GSG1L2: variants seen among roughly 807,000 people sequenced by gnomAD.
GSG1L2 encodes the protein germ cell-specific gene 1-like protein 2.
A neutral mutation model predicts 9.0 loss-of-function variants in GSG1L2; 15 were observed. That is an observed-to-expected ratio of 1.67 (90% confidence interval 1.12 to 2.57). The LOEUF is 2.57. Among genes scored for constraint, GSG1L2 ranks in the 30% most tolerant of loss-of-function variants. The pLI, the probability that GSG1L2 is intolerant of heterozygous loss-of-function variation, is 0.00. For synonymous variants in GSG1L2, 127 were observed against 57.9 expected (o/e 2.19, Z -5.41); for missense variants, 286 against 150.3 (o/e 1.90, Z -4.72).
At chr17:9,811,816 C>T (rs888912135) in intron 1 of GSG1L2, among the ~76,000 whole-genome samples, 2 of 152,116 alleles carry the variant, frequency 1.3e-5, no homozygotes, top group Non-Finnish European at 2.9e-5. Context: ...AGCGCTGTCC[C>T]GCTACATCAC....
At chr17:9,821,323 T>A (rs962396716) in intron 1 of GSG1L2, among the ~76,000 whole-genome samples, 2 of 152,190 alleles carry the variant, frequency 1.3e-5, no homozygotes, top group African/African-American at 4.8e-5. Flanking sequence ...GCAGGATAAA[T>A]AACAGGGATG....
chr17:9,820,445 T>C lies in GSG1L2; in HGVS notation c.310+1317A>G, dbSNP rs57866159. 3.4e-4 allele frequency among the ~76,000 whole-genome samples: 51 copies of C among 151,576 alleles called. No homozygotes were observed. The East Asian group carries it at 7.9e-3, about 24-fold the overall frequency. ...TCCATGAAGGTGGGGAAGAGACTCA[T>C]AGGAAGATAGCACTCCCTGAGAAGC... On this transcript the variant is annotated intron_variant, in intron 1 of 4. Transcript: ENST00000399363. This position sits in a 1 kb window ranked among gnomAD's most constrained non-coding sequence, Gnocchi z 4.9.
intron 1 of GSG1L2, among the ~76,000 whole-genome samples, chr17:9,814,221 A>G (rs1015813169): frequency 6.6e-6 from 1 of 152,232 alleles, no homozygotes; most frequent in African/African-American, 2.4e-5. Flanking sequence ...AGCGTGAGAC[A>G]CCGCGCCTGG....
At chr17:9,816,673 C>G (rs62644883) in intron 1 of GSG1L2, among the ~76,000 whole-genome samples, 3 of 132,328 alleles carry the variant, frequency 2.3e-5, no homozygotes, top group South Asian at 2.4e-4. Flanking sequence ...GCGTGTGTGT[C>G]TGTGTGTGTG....
In GSG1L2 at chr17:9,800,822, C is replaced by T. The variant is rs1036665119; in HGVS notation, c.*1564G>A. Among the ~76,000 whole-genome samples the T allele has an allele frequency of 1.1e-4, 16 of 152,330 alleles. No homozygotes were observed. Among genetic ancestry groups the T allele is most frequent in the African/African-American group, 2.9e-4 (12 of 41,572 alleles). ...GAAAGAACCTGCACACTGCAAAGGG[C>T]AGAGGCTTGTGGGTACAAACTCTCC... On this transcript the variant is annotated 3_prime_UTR_variant, in exon 5 of 5. Coordinates refer to ENST00000399363, the MANE Select transcript of GSG1L2 (RefSeq NM_001310219.2).
In GSG1L2 at chr17:9,800,713, C is replaced by T. The variant is rs2066493434; in HGVS notation, c.*1673G>A. Among the ~76,000 whole-genome samples, 1 of 152,200 alleles carries T rather than the reference C, an allele frequency of 6.6e-6. No individual in the cohort carries two copies. The highest frequency in any genetic ancestry group is 2.4e-5 in the African/African-American group (1 of 41,448). ...AAGTCTCTCTCCAGTGTATTTCATT[C>T]CCTGTAAGATGAGACTTTGACCTGA... On this transcript the variant is annotated 3_prime_UTR_variant, in exon 5 of 5. Coordinates refer to ENST00000399363, the MANE Select transcript of GSG1L2 (RefSeq NM_001310219.2).
chr17:9,810,695 T>C (rs1032851923), intron 1 of GSG1L2, 77 bp from the exon 2 acceptor site: 1 of 699,296 alleles, frequency 1.4e-6, no homozygotes, highest in Non-Finnish European at 2.6e-6. Flanking sequence ...TTCTAGCCCC[T>C]TAACTGGATG....
At chr17:9,807,049 C>T (rs993380585) in intron 4 of GSG1L2, among the ~76,000 whole-genome samples, 3 of 152,202 alleles carry the variant, frequency 2.0e-5, no homozygotes, top group African/African-American at 7.2e-5. Context: ...TCAAAGACAA[C>T]CCCTGTGGTC....
chr17:9,807,800 C>T (rs910792591), intron 3 of GSG1L2, 199 bp from the exon 4 acceptor site: 12 of 525,406 alleles, frequency 2.3e-5, no homozygotes, highest in South Asian at 2.1e-4. Context: ...AAGACACAAT[C>T]GGGGAGGACC....
rs767228383 is a variant in GSG1L2 at position 9,807,618 on chromosome 17, CTG to C, written c.512-19_512-18del. The stretch of plus-strand genomic sequence containing the variant: ...CTAGAAGCCCTGCGCAAGGAAAGCT[CTG>C]TGAGTCACAGCTAAGAAGACACATG... On this transcript the variant is annotated intron_variant, in intron 3 of 4. Transcript: ENST00000399363. 6 of 703,338 alleles carry C rather than the reference CTG, an allele frequency of 8.5e-6. No homozygotes were observed. The South Asian group carries it at 8.9e-5, about 10-fold the overall frequency. The allele number at this position is 703,338 out of a possible 1,614,324, so 43.6% of individuals were successfully genotyped here.
intron 1 of GSG1L2, among the ~76,000 whole-genome samples, chr17:9,811,949 A>G (rs571543969): frequency 6.6e-6 from 1 of 152,184 alleles, no homozygotes; most frequent in South Asian, 2.1e-4. Context: ...TGACTCTTCA[A>G]AGGAATGGCA....
intron 1 of GSG1L2, among the ~76,000 whole-genome samples, chr17:9,815,777 G>A (rs1196684122): frequency 1.3e-5 from 2 of 152,190 alleles, no homozygotes; most frequent in East Asian, 3.8e-4. Flanking sequence ...TAGTTGCATA[G>A]AAGTCAGACA....
chr17:9,813,217 G>A (rs987555549), intron 1 of GSG1L2, among the ~76,000 whole-genome samples: 4 of 152,150 alleles, frequency 2.6e-5, no homozygotes, highest in African/African-American at 9.7e-5. Context: ...GAATTTCCAA[G>A]TGCCCGTAGG....
chr17:9,818,523 T>TG (rs2066576749), intron 1 of GSG1L2, among the ~76,000 whole-genome samples: 1 of 139,904 alleles, frequency 7.1e-6, no homozygotes, highest in Non-Finnish European at 1.5e-5. Flanking sequence ...TTTTTTTTTT[T>TG]TTTTTGTATT....
intron 4 of GSG1L2, chr17:9,805,048 T>C (rs1450092908): frequency 6.6e-6 from 1 of 151,798 alleles, no homozygotes; most frequent in Non-Finnish European, 1.5e-5. Flanking sequence ...GGAAGACAAG[T>C]AGAGAAAAAT....
chr17:9,817,930 T>C (rs1054940319), intron 1 of GSG1L2, among the ~76,000 whole-genome samples: 1 of 152,132 alleles, frequency 6.6e-6, no homozygotes, highest in Non-Finnish European at 1.5e-5. Flanking sequence ...CCTCAGACAT[T>C]GGCTCACTCA....
rs541006512 is a variant in GSG1L2 at position 9,802,500 on chromosome 17, C to T, written c.768G>A (p.Glu256=). The change falls in exon 5 of 5, where the codon GAG becomes GAA. Residue 256 remains glutamate (E), a synonymous_variant. Transcript: ENST00000399363. ...RHSQHSFLEP[E]ASESIWKTGA... is the part of the protein sequence containing the mutation. ...CTGTTTTCCAAATGCTCTCCGAAGC[C>T]TCGGGTTCCAGGAAGCTGTGTTGAG... 102 of 702,620 alleles carry T rather than the reference C, an allele frequency of 1.5e-4. No individual in the cohort carries two copies. Among genetic ancestry groups the T allele is most frequent in the African/African-American group, 1.3e-3 (77 of 57,238 alleles). 43.5% of individuals were successfully genotyped at this position (702,620 alleles called of 1,614,324 possible).
Position 9,807,709 on chromosome 17 carries a change from T to C in GSG1L2, c.512-108A>G, listed in dbSNP as rs2062706087. ...GCTCTCTAGCATTCATAAAGTCCTT[T>C]TGATGTATCTGCATGTATTCATCCT... On this transcript the variant is annotated intron_variant, in intron 3 of 4. Transcript: ENST00000399363. 4.5e-6 allele frequency: 3 copies of C among 673,466 alleles called. No homozygotes were observed. The Admixed American group carries it at 6.3e-5, about 14-fold the overall frequency. 41.7% of individuals were successfully genotyped at this position (673,466 alleles called of 1,614,324 possible).
intron 1 of GSG1L2, among the ~76,000 whole-genome samples, chr17:9,816,416 C>CTGTGTCTG (rs2066560369): frequency 7.5e-6 from 1 of 132,894 alleles, no homozygotes; most frequent in Non-Finnish European, 1.6e-5. Flanking sequence ...GTGTGTGTGT[C>CTGTGTCTG]TGTGTGTGTG....
Sources: gnomAD v4.1 joint callset for allele counts (sites outside exome capture counted in the v4.1 genomes callset) on GRCh38, gnomAD v4.1.1 for gene constraint, Gnocchi (gnomAD v3.1) non-coding constraint, MANE v1.5 for transcripts, NCBI Gene and HGNC (gene_info 2026-07-23, HGNC 2026-07-21) for gene names.